Variants in LRRC28 observed in about 807,000 individuals in gnomAD.
The protein encoded by LRRC28 is leucine-rich repeat-containing protein 28.
In LRRC28, 39 loss-of-function variants were observed where a neutral mutation model predicts 45.7. The observed-to-expected ratio is 0.85, with a 90% CI of 0.66 to 1.12. The LOEUF (loss-of-function observed/expected upper bound fraction) is 1.12. LRRC28 is among the 50% of genes most tolerant of loss of function. The pLI is 0.00. For synonymous variants in LRRC28, 206 were observed against 178.8 expected, an observed-to-expected ratio of 1.15 and a Z score of -1.22; for missense variants, 435 against 438.5, an observed-to-expected ratio of 0.99 and a Z score of 0.07.
intron 2 of LRRC28, among the ~76,000 whole-genome samples, chr15:99,262,627 T>C (rs1425606798): frequency 1.3e-5 from 2 of 152,162 alleles, no homozygotes; most frequent in African/African-American, 4.8e-5. Flanking sequence ...TTTATTTGTA[T>C]AGCTGAGAAA....
chr15:99,315,333 G>A (rs1441103252), intron 5 of LRRC28, among the ~76,000 whole-genome samples: 2 of 152,086 alleles, frequency 1.3e-5, no homozygotes, highest in African/African-American at 4.8e-5. Flanking sequence ...TTCTGTTTCT[G>A]TATTGTTTCT....
chr15:99,258,074 G>T lies in LRRC28; in HGVS notation c.168+1949G>T. The T allele has an allele frequency of 4.0e-6, 6 of 1,502,116 alleles. No individual in the cohort carries two copies. The South Asian group carries it at 6.8e-5, about 17-fold the overall frequency. 93.0% of individuals were successfully genotyped at this position (1,502,116 alleles called of 1,614,324 possible). ...CCTACTGCATGTCACAGACACTGGT[G>T]TAGGAATGACCAGAGAAGAGTTGGT... On this transcript the variant is annotated intron_variant, in intron 2 of 9. Coordinates refer to ENST00000301981, the MANE Select transcript of LRRC28 (RefSeq NM_144598.5).
intron 3 of LRRC28, among the ~76,000 whole-genome samples, chr15:99,279,750 G>C (rs779850468): frequency 3.3e-5 from 5 of 152,150 alleles, no homozygotes; most frequent in Non-Finnish European, 7.3e-5. Context: ...ATTATGGTAA[G>C]CCTTAGGTTC....
chr15:99,292,666 G>A (rs753843113), intron 5 of LRRC28, among the ~76,000 whole-genome samples: 2 of 152,186 alleles, frequency 1.3e-5, no homozygotes, highest in East Asian at 1.9e-4. Flanking sequence ...GCCCAGCCTC[G>A]TACAGTCTTT....
chr15:99,311,233 C>T (rs570923361), intron 5 of LRRC28, among the ~76,000 whole-genome samples: 1 of 152,234 alleles, frequency 6.6e-6, no homozygotes, highest in South Asian at 2.1e-4. Flanking sequence ...CACGTGAGGT[C>T]AGGTGTATAA....
chr15:99,351,466 C>G (rs765293730), intron 6 of LRRC28, among the ~76,000 whole-genome samples: 1 of 152,172 alleles, frequency 6.6e-6, no homozygotes, highest in Non-Finnish European at 1.5e-5. Context: ...CCTTTCTCAA[C>G]TTCCTCCCTT....
chr15:99,386,991 T>C lies in LRRC28; in HGVS notation c.*889T>C, dbSNP rs1426102987. On this transcript the variant is annotated 3_prime_UTR_variant, in exon 10 of 10. Transcript: ENST00000301981. ...TCCGTGTTCTTTTTTGATGGGTTTA[T>C]GATTCAGTTTATACTGACTTTGAAA... 6.6e-6 allele frequency: 1 copy of C among 152,212 alleles called. No homozygotes were observed. The highest frequency in any genetic ancestry group is 6.5e-5 in the Admixed American group (1 of 15,284). 9.4% of individuals were successfully genotyped at this position (152,212 alleles called of 1,614,324 possible). A position where few individuals can be genotyped will look rare whatever the true frequency, so the allele number is the denominator to read the frequency against.
intron 5 of LRRC28, among the ~76,000 whole-genome samples, chr15:99,305,548 G>C (rs955644289): frequency 6.6e-6 from 1 of 151,948 alleles, no homozygotes; most frequent in African/African-American, 2.4e-5. Context: ...TTCTGATATC[G>C]CTAAAACTAA....
chr15:99,284,942 A>G (rs2081917252), intron 3 of LRRC28: 1 of 610,282 alleles, frequency 1.6e-6, no homozygotes, highest in Non-Finnish European at 3.1e-6. Flanking sequence ...CAAAGTTGTC[A>G]TTCCCATCAA....
At chr15:99,301,901 C>T (rs906104355) in intron 5 of LRRC28, among the ~76,000 whole-genome samples, 1 of 151,934 alleles carries the variant, frequency 6.6e-6, no homozygotes, top group African/African-American at 2.4e-5. Context: ...ATTATCTATA[C>T]TGATTTACAA....
intron 3 of LRRC28, among the ~76,000 whole-genome samples, chr15:99,282,396 C>T (rs2081828346): frequency 6.6e-6 from 1 of 151,940 alleles, no homozygotes; most frequent in South Asian, 2.1e-4. Context: ...GGAATGTAGT[C>T]CTAGTTGCCT....
rs112052497 is a variant in LRRC28 at position 99,387,847 on chromosome 15, G to A, written c.*1745G>A. On this transcript the variant is annotated 3_prime_UTR_variant, in exon 10 of 10. Transcript: ENST00000301981. ...AGCTGCCCTGACTTTATAATGCTAC[G>A]CTCTTAACAGTGCCAAAAATCCTAC... 46 of 151,972 alleles carry A rather than the reference G, an allele frequency of 3.0e-4. No homozygotes were observed. The highest frequency in any genetic ancestry group is 5.3e-4 in the African/African-American group (22 of 41,472). 9.4% of individuals were successfully genotyped at this position (151,972 alleles called of 1,614,324 possible).
At chr15:99,331,740 T>G (rs1444773122) in intron 5 of LRRC28, among the ~76,000 whole-genome samples, 1 of 152,196 alleles carries the variant, frequency 6.6e-6, no homozygotes, top group Non-Finnish European at 1.5e-5. Context: ...TTGGTGTCTC[T>G]GTCATTTGCT....
In LRRC28 at chr15:99,255,931, A is replaced by G; in HGVS notation, c.-27A>G. ...CAATTTTGACAAGATATAGTGCTGC[A>G]GCGTGCCTGATGGGATATATTCAGT... On this transcript the variant is annotated 5_prime_UTR_variant, in exon 2 of 10. Coordinates refer to ENST00000301981, the MANE Select transcript of LRRC28 (RefSeq NM_144598.5). 1.2e-6 allele frequency: 2 copies of G among 1,606,438 alleles called. No individual in the cohort carries two copies. Among genetic ancestry groups the G allele is most frequent in the Admixed American group, 3.4e-5 (2 of 59,136 alleles).
At chr15:99,254,138 T>G (rs2080947206) in intron 1 of LRRC28, among the ~76,000 whole-genome samples, 1 of 152,224 alleles carries the variant, frequency 6.6e-6, no homozygotes, top group Non-Finnish European at 1.5e-5. Flanking sequence ...ATCATTGATG[T>G]TATTTGTAGT....
intron 7 of LRRC28, chr15:99,355,735 G>A (rs1458511884): frequency 7.5e-4 from 99 of 131,854 alleles, no homozygotes; most frequent in African/African-American, 2.7e-3. Flanking sequence ...GTTTAATTAT[G>A]TAAGAAAAAA....
At chr15:99,347,420 G>A (rs538729232) in intron 6 of LRRC28, among the ~76,000 whole-genome samples, 12 of 152,254 alleles carry the variant, frequency 7.9e-5, no homozygotes, top group South Asian at 6.2e-4. Context: ...TATTAGCCAG[G>A]ATGGTCTTGA....
chr15:99,332,409 C>G (rs535187557), intron 5 of LRRC28, among the ~76,000 whole-genome samples: 1 of 152,028 alleles, frequency 6.6e-6, no homozygotes, highest in Non-Finnish European at 1.5e-5. Flanking sequence ...AGCACAAATT[C>G]GTAAATATTA....
intron 3 of LRRC28, among the ~76,000 whole-genome samples, chr15:99,279,808 C>G (rs1202986909): frequency 2.0e-5 from 3 of 152,136 alleles, no homozygotes; most frequent in Non-Finnish European, 4.4e-5. Context: ...CTGACAGTTT[C>G]TCATTGTTTT....
Sources: gnomAD v4.1 joint callset for allele counts (sites outside exome capture counted in the v4.1 genomes callset) on GRCh38, gnomAD v4.1.1 for gene constraint, MANE v1.5 for transcripts, NCBI Gene and HGNC (gene_info 2026-07-23, HGNC 2026-07-21) for gene names.